Variants in PLPP1 observed in about 807,000 individuals in gnomAD.
The protein encoded by PLPP1 is lipid phosphate phosphohydrolase 1a.
Under a neutral mutation model 31.2 loss-of-function variants are expected in PLPP1, and 24 were observed. The ratio of observed to expected loss-of-function variants is 0.77; its 90% confidence interval spans 0.56 to 1.08. The LOEUF is 1.08. Ranked by LOEUF, PLPP1 falls within the 50% of genes least tolerant of loss-of-function variation. PLPP1 has a pLI of 0.00. For missense variants in PLPP1, 319 were observed against 342.7 expected (o/e 0.93, Z 0.55); for synonymous variants, 146 against 126.3 (o/e 1.16, Z -1.05).
chr5:55,458,965 A>C (rs374759942), intron 3 of PLPP1, among the ~76,000 whole-genome samples: 80 of 151,098 alleles, frequency 5.3e-4, no homozygotes, highest in African/African-American at 1.8e-3. Context: ...AATTACATTA[A>C]ATTTGTGATC....
At chr5:55,511,650 GTTTTTTTTTTTTTTTTT>G (rs1158182340) in intron 1 of PLPP1, among the ~76,000 whole-genome samples, 6 of 51,448 alleles carry the variant, frequency 1.2e-4, no homozygotes, top group African/African-American at 5.4e-4. Context: ...CACGTGTTGA[GTTTTTTTTTTTTTTTTT>G]TTTTTTTTTT....
chr5:55,438,623 C>G (rs1271723243), intron 4 of PLPP1, among the ~76,000 whole-genome samples: 1 of 152,064 alleles, frequency 6.6e-6, no homozygotes. Flanking sequence ...GTACATAGGC[C>G]AGGCGCGGTG....
chr5:55,493,748 G>A (rs1442174277), intron 1 of PLPP1, among the ~76,000 whole-genome samples: 1 of 151,818 alleles, frequency 6.6e-6, no homozygotes, highest in Non-Finnish European at 1.5e-5. Context: ...TTAGCTGGGC[G>A]TAGTGGCTGT....
intron 2 of PLPP1, 93 bp from the exon 3 acceptor site, chr5:55,468,242 G>T: frequency 8.7e-7 from 1 of 1,154,478 alleles, no homozygotes; most frequent in Non-Finnish European, 1.2e-6. Context: ...ATGGTAAATC[G>T]CAAAAATATC....
In PLPP1 at chr5:55,520,595, G is replaced by A. The variant is rs181888213; in HGVS notation, c.58+13977C>T. 5.9e-5 allele frequency among the ~76,000 whole-genome samples: 9 copies of A among 152,310 alleles called. No homozygotes were observed. The East Asian group carries it at 1.7e-3, about 29-fold the overall frequency. On this transcript the variant is annotated intron_variant, in intron 1 of 5. Transcript: ENST00000307259. ...AGCATCATCTCTTTCCTCATTAGAT[G>A]ACGAACTCAAAGAGTTGAGGTGACC...
At chr5:55,465,501 G>GA (rs1752270974) in intron 3 of PLPP1, among the ~76,000 whole-genome samples, 1 of 152,132 alleles carries the variant, frequency 6.6e-6, no homozygotes, top group African/African-American at 2.4e-5. Flanking sequence ...CACACTGGAA[G>GA]AAGAACTGTC....
chr5:55,450,942 G>A (rs1032308537), intron 3 of PLPP1, among the ~76,000 whole-genome samples: 3 of 152,110 alleles, frequency 2.0e-5, no homozygotes, highest in Non-Finnish European at 4.4e-5. Flanking sequence ...TCTAAAGTAC[G>A]CATTGTTATT....
intron 1 of PLPP1, among the ~76,000 whole-genome samples, chr5:55,483,349 A>G (rs1752708996): frequency 2.0e-5 from 3 of 152,128 alleles, no homozygotes; most frequent in Admixed American, 1.3e-4. Context: ...ACACACAAAC[A>G]ACATCAGTTG....
At chr5:55,464,235 C>CTT (rs35680320) in intron 3 of PLPP1, among the ~76,000 whole-genome samples, 1 of 139,282 alleles carries the variant, frequency 7.2e-6, no homozygotes, top group South Asian at 2.3e-4. Flanking sequence ...TTCAGAACAT[C>CTT]TTTTTTTTTT....
chr5:55,522,220 T>G (rs1231481704), intron 1 of PLPP1, among the ~76,000 whole-genome samples: 1 of 152,200 alleles, frequency 6.6e-6, no homozygotes, highest in Non-Finnish European at 1.5e-5. Flanking sequence ...ACAAAGATCT[T>G]CCTTTCCTGT....
intron 1 of PLPP1, among the ~76,000 whole-genome samples, chr5:55,501,125 CA>C (rs1753134526): frequency 6.6e-6 from 1 of 152,110 alleles, no homozygotes; most frequent in Admixed American, 6.5e-5. Context: ...CCAGCCTGGC[CA>C]ACATGGCAAA....
At chr5:55,438,458 A>G (rs6888871) in intron 4 of PLPP1, among the ~76,000 whole-genome samples, 130,801 of 152,152 alleles carry the variant, frequency 0.86, 56,616 homozygotes, top group South Asian at 0.92. Flanking sequence ...GAATTGACAG[A>G]GAAGTTTTGG....
Position 55,534,794 on chromosome 5 carries a change from C to T in PLPP1, c.-165G>A, listed in dbSNP as rs1280029054. 4.5e-5 allele frequency: 30 copies of T among 670,696 alleles called. No individual in the cohort carries two copies. The highest frequency in any genetic ancestry group is 8.4e-4 in the Middle Eastern group (2 of 2,380). The allele number at this position is 670,696 out of a possible 1,614,324, so 41.5% of individuals were successfully genotyped here. On this transcript the variant is annotated 5_prime_UTR_variant, in exon 1 of 6. Transcript: ENST00000307259. The stretch of plus-strand genomic sequence containing the variant: ...GAGGGCGGGCTGAGACCGGGCGGCG[C>T]TCCCACCGCCAGCAATGGCGCCCGG...
chr5:55,443,170 G>A (rs1217263731), intron 3 of PLPP1, among the ~76,000 whole-genome samples: 6 of 34,342 alleles, frequency 1.7e-4, no homozygotes, highest in Admixed American at 1.6e-3. Flanking sequence ...GGAAAGAAAG[G>A]ATTACTTAAA....
intron 1 of PLPP1, among the ~76,000 whole-genome samples, chr5:55,491,875 AAG>A (rs1474140472): frequency 3.6e-5 from 5 of 138,350 alleles, no homozygotes; most frequent in Admixed American, 7.5e-5. Context: ...AAAAAAAAAA[AAG>A]AAAGAAAAGA....
At chr5:55,464,224 G>A (rs1479863447) in intron 3 of PLPP1, among the ~76,000 whole-genome samples, 2 of 137,578 alleles carry the variant, frequency 1.5e-5, no homozygotes, top group Non-Finnish European at 3.1e-5. Context: ...GTACACAAAT[G>A]TTCAGAACAT....
chr5:55,465,339 C>T (rs1752265225), intron 3 of PLPP1, among the ~76,000 whole-genome samples: 1 of 152,164 alleles, frequency 6.6e-6, no homozygotes, highest in South Asian at 2.1e-4. Flanking sequence ...GCCACCACGC[C>T]AGCCGTACTC....
At chr5:55,481,097 TATTA>T (rs1380040494) in intron 1 of PLPP1, among the ~76,000 whole-genome samples, 4 of 152,184 alleles carry the variant, frequency 2.6e-5, no homozygotes, top group Non-Finnish European at 5.9e-5. Context: ...CGCCGTCCTT[TATTA>T]GAGACAGGAA....
At chr5:55,517,614 T>A (rs1184337410) in intron 1 of PLPP1, among the ~76,000 whole-genome samples, 1 of 152,216 alleles carries the variant, frequency 6.6e-6, no homozygotes, top group African/African-American at 2.4e-5. Context: ...CCTAATTAAT[T>A]GACCAACCTA....
Sources: gnomAD v4.1 joint callset for allele counts (sites outside exome capture counted in the v4.1 genomes callset) on GRCh38, gnomAD v4.1.1 for gene constraint, MANE v1.5 for transcripts, NCBI Gene and HGNC (gene_info 2026-07-23, HGNC 2026-07-21) for gene names.